STX17: variants seen among roughly 807,000 people sequenced by gnomAD.
STX17 encodes the protein syntaxin-17.
Under a neutral mutation model 35.9 loss-of-function variants are expected in STX17, and 29 were observed. The ratio of observed to expected loss-of-function variants is 0.81; its 90% CI spans 0.60 to 1.10. STX17 has a LOEUF of 1.10. Among genes scored for constraint, STX17 ranks in the 50% least tolerant of loss-of-function variants. The pLI is 0.00. For synonymous variants in STX17, 92 were observed against 118.3 expected (o/e 0.78, Z 1.44); for missense variants, 312 against 352.3 (o/e 0.89, Z 0.92).
chr9:99,907,607 A>G (rs1828577267), intron 1 of STX17, among the ~76,000 whole-genome samples: 1 of 152,158 alleles, frequency 6.6e-6, no homozygotes, highest in African/African-American at 2.4e-5. Flanking sequence ...CAGTTCTTTG[A>G]CTTCTAAATG....
chr9:99,965,620 G>A (rs1829898059), intron 6 of STX17, among the ~76,000 whole-genome samples: 1 of 152,158 alleles, frequency 6.6e-6, no homozygotes, highest in South Asian at 2.1e-4. Context: ...TATATTATTA[G>A]TGCTGGAACT....
At chr9:99,919,944 T>A (rs1828857119) in intron 2 of STX17, among the ~76,000 whole-genome samples, 1 of 152,186 alleles carries the variant, frequency 6.6e-6, no homozygotes, top group Admixed American at 6.5e-5. Flanking sequence ...TCAGACATAA[T>A]CAGTCTTATT....
chr9:99,950,992 A>T (rs1282216320), intron 3 of STX17, 68 bp from the exon 4 acceptor site: 1 of 1,343,070 alleles, frequency 7.4e-7, no homozygotes, highest in African/African-American at 1.5e-5. Flanking sequence ...CTATTATAAC[A>T]TTACTTCTGA....
At chr9:99,967,594 G>T (rs1473314789) in intron 6 of STX17, 59 bp from the exon 7 acceptor site, 1 of 1,482,402 alleles carries the variant, frequency 6.7e-7, no homozygotes, top group Non-Finnish European at 9.4e-7. Context: ...AAAATAGTGT[G>T]TGTTGGCTCC....
chr9:99,913,099 T>C (rs191589578), intron 1 of STX17, among the ~76,000 whole-genome samples: 1 of 152,266 alleles, frequency 6.6e-6, no homozygotes, highest in East Asian at 1.9e-4. Context: ...TGTCAGTCTT[T>C]TATGTCTCAT....
intron 3 of STX17, among the ~76,000 whole-genome samples, chr9:99,939,488 A>G (rs1415791521): frequency 6.6e-6 from 1 of 152,230 alleles, no homozygotes; most frequent in Non-Finnish European, 1.5e-5. Context: ...CCTCTAAGAA[A>G]GAAAAAAGTA....
intron 1 of STX17, among the ~76,000 whole-genome samples, chr9:99,913,344 T>C (rs1199904038): frequency 6.6e-6 from 1 of 152,066 alleles, no homozygotes; most frequent in Non-Finnish European, 1.5e-5. Flanking sequence ...CTTTATGTCT[T>C]TTATCTTCTT....
chr9:99,944,360 A>G (rs189300882), intron 3 of STX17, among the ~76,000 whole-genome samples: 8 of 151,178 alleles, frequency 5.3e-5, no homozygotes, highest in East Asian at 1.9e-4. Flanking sequence ...TGTTTTTACT[A>G]TTTTCTAGTT....
chr9:99,942,776 T>C (rs1383628413), intron 3 of STX17, among the ~76,000 whole-genome samples: 1 of 152,224 alleles, frequency 6.6e-6, no homozygotes, highest in Non-Finnish European at 1.5e-5. Context: ...CTAGGCATAA[T>C]GATTTGAAAA....
At chr9:99,929,075 G>T in intron 3 of STX17, 1 of 356,234 alleles carries the variant, frequency 2.8e-6, no homozygotes, top group Non-Finnish European at 5.1e-6. Context: ...ACTCTCACAA[G>T]CAATACATTT....
chr9:99,930,306 C>T (rs767548276), intron 3 of STX17, among the ~76,000 whole-genome samples: 13 of 147,652 alleles, frequency 8.8e-5, no homozygotes, highest in Non-Finnish European at 1.7e-4. Flanking sequence ...CGCCCTCTGT[C>T]GCCCAGGCTG....
At chr9:99,910,225 T>A (rs1828632401) in intron 1 of STX17, among the ~76,000 whole-genome samples, 1 of 148,344 alleles carries the variant, frequency 6.7e-6, no homozygotes, top group South Asian at 2.1e-4. Context: ...AGAGTGAGAC[T>A]CCGTCTCAAA....
rs1328254669 is a variant in STX17, at chr9:99,972,028, C to G, written c.*3355C>G. On this transcript the variant is annotated 3_prime_UTR_variant, in exon 8 of 8. Coordinates refer to ENST00000259400, the MANE Select transcript of STX17 (RefSeq NM_017919.3). The stretch of plus-strand genomic sequence containing the variant: ...AAGGTGGGTCATCCATTCTCCTTTA[C>G]CAAACAGGCTTTGAAATGACACATT... Among the ~76,000 whole-genome samples the G allele has an allele frequency of 6.6e-6, 1 of 152,198 alleles. No homozygotes were observed. Among genetic ancestry groups the G allele is most frequent in the Non-Finnish European group, 1.5e-5 (1 of 68,028 alleles).
At chr9:99,960,787 A>G (rs1446062456) in intron 6 of STX17, among the ~76,000 whole-genome samples, 3 of 152,220 alleles carry the variant, frequency 2.0e-5, no homozygotes, top group Non-Finnish European at 2.9e-5. Context: ...TGGACCCCAG[A>G]AACTGAGCTT....
Position 99,911,953 on chromosome 9 carries a change from G to A in STX17, c.-62-3225G>A, listed in dbSNP as rs147362770. On this transcript the variant is annotated intron_variant, in intron 1 of 7. Transcript: ENST00000259400. ...ATAAGAGTCCTCTTTCTCGCCAGGC[G>A]TCGTGGCTCACGCCTGTAATCCCGG... 3.8e-4 allele frequency among the ~76,000 whole-genome samples: 58 copies of A among 152,256 alleles called. No homozygotes were observed. The East Asian group carries it at 0.01, about 27-fold the overall frequency.
At chr9:99,938,253 G>A (rs1043040996) in intron 3 of STX17, among the ~76,000 whole-genome samples, 4 of 152,108 alleles carry the variant, frequency 2.6e-5, no homozygotes, top group African/African-American at 9.7e-5. Flanking sequence ...CTCTCCCTGT[G>A]CTGCACTCTC....
In STX17 at chr9:99,968,623, A is replaced by G. The variant is rs371408642; in HGVS notation, c.859A>G (p.Thr287Ala). Reference protein sequence around the residue: ...RKKQKMMEKLTSSCPDLPSQT... With the variant: ...RKKQKMMEKLASSCPDLPSQT... ...GAAACAGAAAATGATGGAGAAGCTCACTTCCAGCTGTCCAGATCTTCCCAG... is the reference window on the plus strand; with the variant it reads ...GAAACAGAAAATGATGGAGAAGCTCGCTTCCAGCTGTCCAGATCTTCCCAG... Residue 287 changes from threonine (T) to alanine (A), a missense_variant, in exon 8 of 8, where the codon ACT becomes GCT. Physicochemically the swap from Thr to Ala is moderately conservative, Grantham distance 58. Coordinates refer to ENST00000259400, the MANE Select transcript of STX17 (RefSeq NM_017919.3). 1.3e-4 allele frequency: 212 copies of G among 1,613,910 alleles called. No homozygotes were observed. Among genetic ancestry groups the G allele is most frequent in the Non-Finnish European group, 1.8e-4 (207 of 1,179,950 alleles).
At chr9:99,964,379 C>T (rs1350253709) in intron 6 of STX17, among the ~76,000 whole-genome samples, 1 of 151,966 alleles carries the variant, frequency 6.6e-6, no homozygotes, top group African/African-American at 2.4e-5. Flanking sequence ...AAATGAAATC[C>T]GTAGACATAT....
At chr9:99,939,528 A>G (rs953547353) in intron 3 of STX17, among the ~76,000 whole-genome samples, 16 of 152,228 alleles carry the variant, frequency 1.1e-4, no homozygotes, top group African/African-American at 3.9e-4. Flanking sequence ...AATGCTTTTT[A>G]CCATTTATTT....
Sources: allele counts gnomAD v4.1 joint callset (sites outside exome capture counted in the v4.1 genomes callset), GRCh38; gene constraint gnomAD v4.1.1; transcripts MANE v1.5; gene names NCBI Gene and HGNC (gene_info 2026-07-23, HGNC 2026-07-21).